Variants in CASZ1 observed in about 807,000 individuals in gnomAD.
CASZ1 encodes the protein castor zinc finger 1, also known as zinc finger protein castor homolog 1.
A neutral mutation model predicts 135.2 loss-of-function variants in CASZ1; 28 were observed. The observed-to-expected ratio is 0.21, with a 90% CI of 0.15 to 0.28. The LOEUF (loss-of-function observed/expected upper bound fraction) is 0.28, where lower values mean the gene tolerates loss of function less well. Among genes scored for constraint, CASZ1 ranks in the 10% least tolerant of loss-of-function variants. The pLI is 1.00. For synonymous variants in CASZ1, 1,068 were observed against 1,073.4 expected (o/e 0.99, Z 0.10); for missense variants, 2,161 against 2,453.3 (o/e 0.88, Z 2.52).
chr1:10,681,877 C>T (rs1394974652), intron 4 of CASZ1, among the ~76,000 whole-genome samples: 2 of 151,292 alleles, frequency 1.3e-5, no homozygotes, highest in Non-Finnish European at 2.9e-5. Context: ...CCCTCTTGAG[C>T]CCCAGGCTCA....
intron 7 of CASZ1, 21 bp downstream of exon 7, chr1:10,658,487 G>A: frequency 6.2e-7 from 1 of 1,606,858 alleles, no homozygotes; most frequent in Non-Finnish European, 8.5e-7. Context: ...CTCCACGGCA[G>A]GCTCCTCCCC....
chr1:10,680,296 AG>A (rs1239206398), intron 4 of CASZ1, among the ~76,000 whole-genome samples: 2 of 30,682 alleles, frequency 6.5e-5, no homozygotes, highest in South Asian at 8.9e-4. Flanking sequence ...GGTGGAGGGG[AG>A]GGGGGTGCGA....
In CASZ1 at chr1:10,755,524, G is replaced by A. The variant is rs756088820; in HGVS notation, c.-77+5177C>T. On this transcript the variant is annotated intron_variant, in intron 2 of 20. Coordinates refer to ENST00000377022, the MANE Select transcript of CASZ1 (RefSeq NM_001079843.3). The surrounding 1 kb of genome is among the most constrained non-coding windows in gnomAD (Gnocchi z 4.3). The stretch of plus-strand genomic sequence containing the variant: ...CTTTGGATCAACTGCGTCACCCGCC[G>A]AGAAGTCCCCCGAGTAGCTCCAGAC... 4.6e-5 allele frequency among the ~76,000 whole-genome samples: 7 copies of A among 152,230 alleles called. No individual in the cohort carries two copies. The highest frequency in any genetic ancestry group is 2.0e-4 in the Admixed American group (3 of 15,302).
At position 10,694,017 on chromosome 1, in the gene CASZ1, C is replaced by A. The variant is rs1006339164; in HGVS notation, c.-23-105G>T. On this transcript the variant is annotated intron_variant, in intron 3 of 20. Transcript: ENST00000377022. The surrounding 1 kb of genome is among the most constrained non-coding windows in gnomAD (Gnocchi z 6.6). ...CTGCTTGTCCCCCGCCCCGCAGGAG[C>A]GGCCCGTCCCGGGCGGGCGCCGAGG... 59 of 1,079,670 alleles carry A rather than the reference C, an allele frequency of 5.5e-5. No individual in the cohort carries two copies. Among genetic ancestry groups the A allele is most frequent in the Non-Finnish European group, 1.2e-5 (9 of 757,938 alleles). 66.9% of individuals were successfully genotyped at this position (1,079,670 alleles called of 1,614,324 possible).
In CASZ1 at chr1:10,659,683, G is replaced by T; in HGVS notation, c.1340+19C>A. The T allele has an allele frequency of 6.3e-7, 1 of 1,590,322 alleles. No individual in the cohort carries two copies. Among genetic ancestry groups the T allele is most frequent in the South Asian group, 1.1e-5 (1 of 90,540 alleles). On this transcript the variant is annotated intron_variant, in intron 6 of 20. Coordinates refer to ENST00000377022, the MANE Select transcript of CASZ1 (RefSeq NM_001079843.3). ...TCTGGCTCCTGGCTCTGGGCATTGT[G>T]GGGTGGGGAGCGCCTTACTTGACAG...
Position 10,665,480 on chromosome 1 carries a change from G to A in CASZ1, c.108C>T (p.Ala36=), listed in dbSNP as rs1023962785. Residue 36 remains alanine, a synonymous_variant, in exon 5 of 21, where the codon GCC becomes GCT. Coordinates refer to ENST00000377022, the MANE Select transcript of CASZ1 (RefSeq NM_001079843.3). ...KGGLKLNAIC[A]KLSRQVVVEK... ...CCACCACCACCTGGCGGCTCAGCTT[G>A]GCGCAGATGGCGTTCAGCTTCAGGC... 6.2e-7 allele frequency: 1 copy of A among 1,607,850 alleles called. No individual in the cohort carries two copies. Among genetic ancestry groups the A allele is most frequent in the Middle Eastern group, 1.7e-4 (1 of 6,060 alleles).
At position 10,757,040 on chromosome 1, in the gene CASZ1, T is replaced by C. The variant is rs953553943; in HGVS notation, c.-77+3661A>G. Among the ~76,000 whole-genome samples the C allele has an allele frequency of 2.0e-5, 3 of 152,172 alleles. No individual in the cohort carries two copies. Among genetic ancestry groups the C allele is most frequent in the African/African-American group, 7.2e-5 (3 of 41,430 alleles). On this transcript the variant is annotated intron_variant, in intron 2 of 20. Transcript: ENST00000377022. The surrounding 1 kb of genome is among the most constrained non-coding windows in gnomAD (Gnocchi z 4.6). ...AGGGCTGAAAGGATAGTGTGTGTCC[T>C]GGCCTGCTCCCAGGCTCACTCCTGA...
At chr1:10,795,870 G>A (rs1457547081) in intron 1 of CASZ1, among the ~76,000 whole-genome samples, 1 of 152,166 alleles carries the variant, frequency 6.6e-6, no homozygotes, top group African/African-American at 2.4e-5. Context: ...TTGGCACCCC[G>A]CGCCTAAGCG....
rs1443024550 is a variant in CASZ1 at position 10,700,078 on chromosome 1, G to GACACACACACACAC, written c.-24+5413_-24+5414insGTGTGTGTGTGTGT. On this transcript the variant is annotated intron_variant, in intron 3 of 20. Coordinates refer to ENST00000377022, the MANE Select transcript of CASZ1 (RefSeq NM_001079843.3). The surrounding 1 kb of genome is among the most constrained non-coding windows in gnomAD (Gnocchi z 4.2). Reference sequence around the variant, plus strand: ...AGAGACAGAGAGAGAAAGAGAGATAGAGACACACACACACACACACACACA... The same window carrying GACACACACACACAC: ...AGAGACAGAGAGAGAAAGAGAGATAGACACACACACACACAGACACACACACACACACACACACA... 9.0e-4 allele frequency among the ~76,000 whole-genome samples: 67 copies of GACACACACACACAC among 74,168 alleles called. No homozygotes were observed. Among genetic ancestry groups the GACACACACACACAC allele is most frequent in the African/African-American group, 3.0e-3 (51 of 17,188 alleles). 48.7% of individuals were successfully genotyped at this position (74,168 alleles called of 152,430 possible). A position where few individuals can be genotyped will look rare whatever the true frequency, so the allele number is the denominator to read the frequency against.
At chr1:10,653,355 G>A in intron 11 of CASZ1, 22 bp downstream of exon 11, 1 of 1,612,474 alleles carries the variant, frequency 6.2e-7, no homozygotes, top group South Asian at 1.1e-5. Context: ...CCTGCTTTCT[G>A]GGCAGGACCC....
rs980594892 is a variant in CASZ1, at chr1:10,709,753, G to T, written c.-76-4209C>A. ...AGTGCCCCGGGCAGTGCCGCAGGGG[G>T]ATGCGCACCAGGGGGATCCCATGGC... is the stretch of plus-strand genomic sequence containing the variant. On this transcript the variant is annotated intron_variant, in intron 2 of 20. Transcript: ENST00000377022. The surrounding 1 kb of genome is among the most constrained non-coding windows in gnomAD (Gnocchi z 5.1). 1.3e-5 allele frequency among the ~76,000 whole-genome samples: 2 copies of T among 152,214 alleles called. No homozygotes were observed. Among genetic ancestry groups the T allele is most frequent in the Admixed American group, 6.5e-5 (1 of 15,288 alleles).
Position 10,709,113 on chromosome 1 carries a change from G to A in CASZ1, c.-76-3569C>T, listed in dbSNP as rs7541920. On this transcript the variant is annotated intron_variant, in intron 2 of 20. Transcript: ENST00000377022. The surrounding 1 kb of genome is among the most constrained non-coding windows in gnomAD (Gnocchi z 5.1). ...TCTGCAGTTCCCTCTTGCTGGAGCCGCTGCTGGTCCAGGACTTGGCTTTGG... is the reference window on the plus strand; with the variant it reads ...TCTGCAGTTCCCTCTTGCTGGAGCCACTGCTGGTCCAGGACTTGGCTTTGG... 0.091 allele frequency among the ~76,000 whole-genome samples: 13,789 copies of A among 152,128 alleles called. 887 individuals are homozygous for A. Among genetic ancestry groups the A allele is most frequent in the East Asian group, 0.24 (1,260 of 5,164 alleles).
chr1:10,666,940 C>T lies in CASZ1; in HGVS notation c.17-1369G>A, dbSNP rs1643255288. On this transcript the variant is annotated intron_variant, in intron 4 of 20. Coordinates refer to ENST00000377022, the MANE Select transcript of CASZ1 (RefSeq NM_001079843.3). The surrounding 1 kb of genome is among the most constrained non-coding windows in gnomAD (Gnocchi z 5.2). Reference sequence around the variant, plus strand: ...CACAGCAGCAGGGGCTCGGCTCACACTCACTGTGTACAAAACAAAATGTGC... The same window carrying T: ...CACAGCAGCAGGGGCTCGGCTCACATTCACTGTGTACAAAACAAAATGTGC... Among the ~76,000 whole-genome samples, 1 of 152,262 alleles carries T rather than the reference C, an allele frequency of 6.6e-6. No homozygotes were observed. Among genetic ancestry groups the T allele is most frequent in the South Asian group, 2.1e-4 (1 of 4,832 alleles).
chr1:10,694,332 T>A lies in CASZ1; in HGVS notation c.-23-420A>T. ...GAGTCGAAAGCCGAATTCACTTAAA[T>A]AATCAACTTTCATAATACTTAATTA... On this transcript the variant is annotated intron_variant, in intron 3 of 20. Coordinates refer to ENST00000377022, the MANE Select transcript of CASZ1 (RefSeq NM_001079843.3). This position sits in a 1 kb window ranked among gnomAD's most constrained non-coding sequence, Gnocchi z 6.6. The A allele has an allele frequency of 8.6e-7, 1 of 1,156,612 alleles. No individual in the cohort carries two copies. Among genetic ancestry groups the A allele is most frequent in the Non-Finnish European group, 1.1e-6 (1 of 914,332 alleles). The allele number at this position is 1,156,612 out of a possible 1,614,324, so 71.6% of individuals were successfully genotyped here.
chr1:10,656,504 G>A (rs925818990), intron 8 of CASZ1, 142 bp downstream of exon 8: 8 of 642,250 alleles, frequency 1.2e-5, no homozygotes, highest in South Asian at 5.3e-5. Flanking sequence ...GTGGTTTTGC[G>A]GGCCCTCTAC....
chr1:10,703,870 C>T (rs1421802098), intron 3 of CASZ1, among the ~76,000 whole-genome samples: 1 of 152,216 alleles, frequency 6.6e-6, no homozygotes, highest in African/African-American at 2.4e-5. Context: ...ATAGGCATGG[C>T]TGTGTTCCAA....
chr1:10,639,143 CTCG>C lies in CASZ1; in HGVS notation c.5076_5078del (p.Asp1692del). The C allele has an allele frequency of 1.8e-6, 2 of 1,112,318 alleles. No homozygotes were observed. The highest frequency in any genetic ancestry group is 2.6e-5 in the South Asian group (1 of 39,208). 68.9% of individuals were successfully genotyped at this position (1,112,318 alleles called of 1,614,324 possible). A position where few individuals can be genotyped will look rare whatever the true frequency, so the allele number is the denominator to read the frequency against. On this transcript the variant is annotated inframe_deletion, in exon 21 of 21. Transcript: ENST00000377022. The surrounding 1 kb of genome is among the most constrained non-coding windows in gnomAD (Gnocchi z 4.0). ...CGTCGTCCTCGTCGTCGTCCTCGTC[CTCG>C]TCGTCTTCGGCCTCCTCCTCCGGCA...
At chr1:10,765,402 A>AG (rs1185210566) in intron 1 of CASZ1, among the ~76,000 whole-genome samples, 3 of 151,618 alleles carry the variant, frequency 2.0e-5, no homozygotes, top group Non-Finnish European at 4.4e-5. Flanking sequence ...AAAAAAAAAA[A>AG]CAATAAAAAA....
rs1638242706 is a variant in CASZ1, at chr1:10,676,902, G to A, written c.17-11331C>T. ...CAAGGGCATGCACTCTGTCCGGGCT[G>A]AACCCCATACTGCCTGGCTCTGCCA... On this transcript the variant is annotated intron_variant, in intron 4 of 20. Transcript: ENST00000377022. The surrounding 1 kb of genome is among the most constrained non-coding windows in gnomAD (Gnocchi z 4.5). Among the ~76,000 whole-genome samples the A allele has an allele frequency of 6.6e-6, 1 of 152,236 alleles. No homozygotes were observed. Among genetic ancestry groups the A allele is most frequent in the Admixed American group, 6.5e-5 (1 of 15,290 alleles).
Sources: allele counts gnomAD v4.1 joint callset (sites outside exome capture counted in the v4.1 genomes callset), GRCh38; gene constraint gnomAD v4.1.1; non-coding constraint Gnocchi (gnomAD v3.1); transcripts MANE v1.5; gene names NCBI Gene and HGNC (gene_info 2026-07-23, HGNC 2026-07-21).